The following RFX2 variants were observed in gnomAD, a reference collection of about 807,000 sequenced individuals.
RFX2 encodes regulatory factor X2.
Under a neutral mutation model 87.8 loss-of-function variants are expected in RFX2, and 20 were observed. The observed-to-expected ratio is 0.23, with a 90% confidence interval of 0.16 to 0.33. RFX2 has a LOEUF of 0.33. Among genes scored for constraint, RFX2 ranks in the 10% least tolerant of loss-of-function variants. The pLI is 1.00. For missense variants in RFX2, 767 were observed against 1,012.3 expected, an observed-to-expected ratio of 0.76 and a Z score of 3.29; for synonymous variants, 397 against 431.3, an observed-to-expected ratio of 0.92 and a Z score of 0.98.
In RFX2 at chr19:6,044,204, C is replaced by G; in HGVS notation, c.169G>C (p.Val57Leu). 1.3e-6 allele frequency: 2 copies of G among 1,565,398 alleles called. No individual in the cohort carries two copies. Among genetic ancestry groups the G allele is most frequent in the South Asian group, 1.2e-5 (1 of 83,638 alleles). The change falls in exon 3 of 18, where the codon GTA (valine) becomes CTA (leucine). Residue 57 changes from valine to leucine, a missense_variant. Transcript: ENST00000303657. This position sits in a 1 kb window ranked among gnomAD's most constrained non-coding sequence, Gnocchi z 5.3. ...QPISLPRVQQ[V>L]PQQVQPVQHV... ...GTGCTTGTCATTACCTGCTGGGGTA[C>G]CTGCTGAACTCTGGGGAGGGAGATC...
chr19:6,067,076 C>A (rs1463832991), intron 1 of RFX2, among the ~76,000 whole-genome samples: 1 of 152,184 alleles, frequency 6.6e-6, no homozygotes, highest in Non-Finnish European at 1.5e-5. Flanking sequence ...ACAACTCTCT[C>A]TGAGGTAAGA....
At chr19:6,042,191 CT>C (rs1330596384) in intron 3 of RFX2, 68 bp from the exon 4 acceptor site, 3 of 1,352,716 alleles carry the variant, frequency 2.2e-6, no homozygotes, top group African/African-American at 2.9e-5. Flanking sequence ...ATTATTCAAG[CT>C]AGACGTGTCT....
At position 6,016,056 on chromosome 19, in the gene RFX2, G is replaced by T; in HGVS notation, c.779+34C>A. 6.5e-7 allele frequency: 1 copy of T among 1,548,348 alleles called. No individual in the cohort carries two copies. Among genetic ancestry groups the T allele is most frequent in the Non-Finnish European group, 8.7e-7 (1 of 1,144,782 alleles). On this transcript the variant is annotated intron_variant, in intron 7 of 17. Coordinates refer to ENST00000303657, the MANE Select transcript of RFX2 (RefSeq NM_000635.4). The surrounding 1 kb of genome is among the most constrained non-coding windows in gnomAD (Gnocchi z 5.4). Reference sequence around the variant, plus strand: ...AGCTCCATTTCTTGGGAAAGGAAGAGGAAGAACAGGTGGGCTGGGGATCGT... The same window carrying T: ...AGCTCCATTTCTTGGGAAAGGAAGATGAAGAACAGGTGGGCTGGGGATCGT...
At position 5,998,305 on chromosome 19, in the gene RFX2, C is replaced by T. The variant is rs2086444887; in HGVS notation, c.1860-1092G>A. Among the ~76,000 whole-genome samples the T allele has an allele frequency of 6.6e-6, 1 of 151,830 alleles. No individual in the cohort carries two copies. Among genetic ancestry groups the T allele is most frequent in the South Asian group, 2.1e-4 (1 of 4,820 alleles). On this transcript the variant is annotated intron_variant, in intron 15 of 17. Coordinates refer to ENST00000303657, the MANE Select transcript of RFX2 (RefSeq NM_000635.4). This position sits in a 1 kb window ranked among gnomAD's most constrained non-coding sequence, Gnocchi z 4.2. ...CCTGGGTGACAGAGCAACACTCCAT[C>T]TCAAAAAAAAAGAATGAAGTGGAAC... is the stretch of plus-strand genomic sequence containing the variant.
chr19:6,020,733 C>T lies in RFX2; in HGVS notation c.598-4462G>A, dbSNP rs62107187. Among the ~76,000 whole-genome samples, 171 of 152,324 alleles carry T rather than the reference C, an allele frequency of 1.1e-3. 1 individual carries two copies. Among genetic ancestry groups the T allele is most frequent in the Non-Finnish European group, 2.0e-3 (134 of 68,028 alleles). ...CATGCCAGGAAAGGCAGCAGCTGGACGGAGTCACCTTTCTGGTTTGGGCAT... is the reference window on the plus strand; with the variant it reads ...CATGCCAGGAAAGGCAGCAGCTGGATGGAGTCACCTTTCTGGTTTGGGCAT... On this transcript the variant is annotated intron_variant, in intron 6 of 17. Coordinates refer to ENST00000303657, the MANE Select transcript of RFX2 (RefSeq NM_000635.4). This position sits in a 1 kb window ranked among gnomAD's most constrained non-coding sequence, Gnocchi z 5.3.
intron 1 of RFX2, among the ~76,000 whole-genome samples, chr19:6,078,661 A>C (rs2087730837): frequency 6.6e-6 from 1 of 152,276 alleles, no homozygotes; most frequent in East Asian, 1.9e-4. Flanking sequence ...TATGACTAAC[A>C]GTGCTTACCT....
In RFX2 at chr19:6,024,363, G is replaced by A. The variant is rs2086858231; in HGVS notation, c.597+1800C>T. ...TCTCCCTGAGTTCATCTACAGGGAG[G>A]ATGTCATCCAGCAGTGACAGATGAC... On this transcript the variant is annotated intron_variant, in intron 6 of 17. Coordinates refer to ENST00000303657, the MANE Select transcript of RFX2 (RefSeq NM_000635.4). This position sits in a 1 kb window ranked among gnomAD's most constrained non-coding sequence, Gnocchi z 5.0. 6.6e-6 allele frequency among the ~76,000 whole-genome samples: 1 copy of A among 152,178 alleles called. No homozygotes were observed. Among genetic ancestry groups the A allele is most frequent in the Non-Finnish European group, 1.5e-5 (1 of 68,006 alleles).
Position 6,088,211 on chromosome 19 carries a change from CTTTT to C in RFX2, c.-9+22178_-9+22181del, listed in dbSNP as rs1030226963. Among the ~76,000 whole-genome samples the C allele has an allele frequency of 4.7e-5, 4 of 84,404 alleles. No homozygotes were observed. In the Admixed American group the frequency reaches 5.4e-4, roughly 11 times the overall value. 55.4% of individuals were successfully genotyped at this position (84,404 alleles called of 152,430 possible). Reference sequence around the variant, plus strand: ...ACAGAGAAGGGCCAGGGCACTACAGCTTTTTTTTTTTTTTTTTTTTTTTTTGAGA... The same window carrying C: ...ACAGAGAAGGGCCAGGGCACTACAGCTTTTTTTTTTTTTTTTTTTTTGAGA... On this transcript the variant is annotated intron_variant, in intron 1 of 17. Coordinates refer to ENST00000303657, the MANE Select transcript of RFX2 (RefSeq NM_000635.4).
chr19:6,051,426 T>C (rs1327070562), intron 1 of RFX2, among the ~76,000 whole-genome samples: 1 of 152,096 alleles, frequency 6.6e-6, no homozygotes, highest in Non-Finnish European at 1.5e-5. Flanking sequence ...GTTCTTTTAT[T>C]TTACCTAAAG....
intron 1 of RFX2, among the ~76,000 whole-genome samples, chr19:6,059,939 C>A (rs1004211844): frequency 6.6e-6 from 1 of 151,354 alleles, no homozygotes; most frequent in Non-Finnish European, 1.5e-5. Context: ...ACAAAAACAA[C>A]GATTCTTGTA....
chr19:5,994,664 CT>C lies in RFX2; in HGVS notation c.*170del, dbSNP rs1307054739. On this transcript the variant is annotated 3_prime_UTR_variant, in exon 18 of 18. Transcript: ENST00000303657. ...GGAGCCCTGGCCTGGGCTTCTGTAG[CT>C]TCAACAACTGCTTTCCTTCTTGAAC... The C allele has an allele frequency of 1.7e-6, 1 of 598,548 alleles. No homozygotes were observed. Among genetic ancestry groups the C allele is most frequent in the East Asian group, 2.8e-5 (1 of 35,968 alleles). 37.1% of individuals were successfully genotyped at this position (598,548 alleles called of 1,614,324 possible).
At position 6,101,980 on chromosome 19, in the gene RFX2, A is replaced by G. The variant is rs1323801119; in HGVS notation, c.-9+8413T>C. Reference sequence around the variant, plus strand: ...TTAAAAAGGAAGGAAATTCTGATGCATGCTACAGCATGGATAAGCCTTGAA... The same window carrying G: ...TTAAAAAGGAAGGAAATTCTGATGCGTGCTACAGCATGGATAAGCCTTGAA... On this transcript the variant is annotated intron_variant, in intron 1 of 17. Coordinates refer to ENST00000303657, the MANE Select transcript of RFX2 (RefSeq NM_000635.4). The surrounding 1 kb of genome is among the most constrained non-coding windows in gnomAD (Gnocchi z 4.9). 3.9e-5 allele frequency among the ~76,000 whole-genome samples: 6 copies of G among 152,252 alleles called. No homozygotes were observed. Among genetic ancestry groups the G allele is most frequent in the Admixed American group, 3.3e-4 (5 of 15,290 alleles).
chr19:5,999,659 G>A lies in RFX2; in HGVS notation c.1859+2156C>T, dbSNP rs975751497. ...AGCATTTAAACAGAAGTGAGGTCCCGGCACTCGGGTAGCGTGCCTGATCAT... is the reference window on the plus strand; with the variant it reads ...AGCATTTAAACAGAAGTGAGGTCCCAGCACTCGGGTAGCGTGCCTGATCAT... On this transcript the variant is annotated intron_variant, in intron 15 of 17. Transcript: ENST00000303657. This position sits in a 1 kb window ranked among gnomAD's most constrained non-coding sequence, Gnocchi z 4.1. Among the ~76,000 whole-genome samples, 17 of 152,116 alleles carry A rather than the reference G, an allele frequency of 1.1e-4. No individual in the cohort carries two copies. The highest frequency in any genetic ancestry group is 2.4e-4 in the Non-Finnish European group (16 of 68,030).
At chr19:6,031,012 T>A (rs1366896186) in intron 5 of RFX2, among the ~76,000 whole-genome samples, 1 of 152,192 alleles carries the variant, frequency 6.6e-6, no homozygotes, top group Non-Finnish European at 1.5e-5. Context: ...GTTGTCAGGT[T>A]CCTGGTTGGC....
chr19:6,020,444 T>G lies in RFX2; in HGVS notation c.598-4173A>C, dbSNP rs1313202519. 6.6e-6 allele frequency: 1 copy of G among 152,130 alleles called. No individual in the cohort carries two copies. The highest frequency in any genetic ancestry group is 2.4e-5 in the African/African-American group (1 of 41,416). The allele number at this position is 152,130 out of a possible 1,614,324, so 9.4% of individuals were successfully genotyped here. A position where few individuals can be genotyped will look rare whatever the true frequency, so the allele number is the denominator to read the frequency against. ...ACAGTCGCGTCTATTTCCTCCCTCT[T>G]CTGTGTTGATGAACTTCTGGGAGGA... On this transcript the variant is annotated intron_variant, in intron 6 of 17. Coordinates refer to ENST00000303657, the MANE Select transcript of RFX2 (RefSeq NM_000635.4). The surrounding 1 kb of genome is among the most constrained non-coding windows in gnomAD (Gnocchi z 5.3).
Position 6,035,601 on chromosome 19 carries a change from G to A in RFX2, c.522+4379C>T, listed in dbSNP as rs148056510. ...TTGTGCTCTGTCTTTAGGACTAAGCGAAAGTCCCGAGAAACAAAACTCTGA... is the reference window on the plus strand; with the variant it reads ...TTGTGCTCTGTCTTTAGGACTAAGCAAAAGTCCCGAGAAACAAAACTCTGA... On this transcript the variant is annotated intron_variant, in intron 5 of 17. Coordinates refer to ENST00000303657, the MANE Select transcript of RFX2 (RefSeq NM_000635.4). Among the ~76,000 whole-genome samples, 34 of 152,244 alleles carry A rather than the reference G, an allele frequency of 2.2e-4. No homozygotes were observed. The East Asian group carries it at 6.2e-3, about 28-fold the overall frequency.
chr19:6,058,262 A>T (rs1431798585), intron 1 of RFX2, among the ~76,000 whole-genome samples: 2 of 152,154 alleles, frequency 1.3e-5, no homozygotes, highest in African/African-American at 4.8e-5. Flanking sequence ...CCCAGTTGTG[A>T]CAACCACAGA....
At position 5,998,800 on chromosome 19, in the gene RFX2, G is replaced by A. The variant is rs558613933; in HGVS notation, c.1860-1587C>T. On this transcript the variant is annotated intron_variant, in intron 15 of 17. Coordinates refer to ENST00000303657, the MANE Select transcript of RFX2 (RefSeq NM_000635.4). The surrounding 1 kb of genome is among the most constrained non-coding windows in gnomAD (Gnocchi z 4.2). ...CCCAAATGGGCTCGCAGCTCCCAGA[G>A]AGTAGGAGCATCGGCCGACCACCAC... Among the ~76,000 whole-genome samples, 5 of 152,354 alleles carry A rather than the reference G, an allele frequency of 3.3e-5. No homozygotes were observed. Among genetic ancestry groups the A allele is most frequent in the Admixed American group, 2.6e-4 (4 of 15,308 alleles).
chr19:6,025,637 T>G (rs563899253), intron 6 of RFX2, among the ~76,000 whole-genome samples: 9 of 152,202 alleles, frequency 5.9e-5, no homozygotes, highest in Non-Finnish European at 1.2e-4. Context: ...GTGTTGTTAT[T>G]ATCTACCTTT....
Sources: allele counts gnomAD v4.1 joint callset (sites outside exome capture counted in the v4.1 genomes callset), GRCh38; gene constraint gnomAD v4.1.1; non-coding constraint Gnocchi (gnomAD v3.1); transcripts MANE v1.5; gene names NCBI Gene and HGNC (gene_info 2026-07-23, HGNC 2026-07-21).